Variants in SYNE1 observed in about 807,000 individuals in gnomAD.
The protein encoded by SYNE1 is nesprin-1.
A neutral mutation model predicts 1,111.0 loss-of-function variants in SYNE1; 616 were observed. The ratio of observed to expected loss-of-function variants is 0.55; its 90% CI spans 0.52 to 0.59. The LOEUF is 0.59. SYNE1 is among the 20% of genes least tolerant of loss of function. The pLI is 0.00. For synonymous variants in SYNE1, 3,855 were observed against 3,825.8 expected, an observed-to-expected ratio of 1.01 and a Z score of -0.28; for missense variants, 10,006 against 10,417.0, an observed-to-expected ratio of 0.96 and a Z score of 1.72.
At chr6:152,392,129 G>C (rs2097652422) in intron 51 of SYNE1, among the ~76,000 whole-genome samples, 1 of 152,066 alleles carries the variant, frequency 6.6e-6, no homozygotes, top group Non-Finnish European at 1.5e-5. Flanking sequence ...TGTGCCCTCT[G>C]CTCCTTGTCT....
At chr6:152,503,456 C>T (rs994130977) in intron 9 of SYNE1, among the ~76,000 whole-genome samples, 2 of 152,140 alleles carry the variant, frequency 1.3e-5, no homozygotes, top group African/African-American at 4.8e-5. Flanking sequence ...CAAATAAATT[C>T]ATACAGATTT....
chr6:152,565,177 C>T (rs1383927978), intron 3 of SYNE1, among the ~76,000 whole-genome samples: 1 of 152,046 alleles, frequency 6.6e-6, no homozygotes, highest in African/African-American at 2.4e-5. Context: ...TTATGTGGTT[C>T]CTTTTGCCTC....
intron 45 of SYNE1, among the ~76,000 whole-genome samples, chr6:152,405,416 G>A (rs2154160000): frequency 6.6e-6 from 1 of 152,284 alleles, no homozygotes; most frequent in South Asian, 2.1e-4. Flanking sequence ...TGGAGTTGAA[G>A]ACATACACAG....
At chr6:152,347,681 T>C (rs1313228410) in intron 72 of SYNE1, among the ~76,000 whole-genome samples, 1 of 113,452 alleles carries the variant, frequency 8.8e-6, no homozygotes, top group Non-Finnish European at 1.9e-5. Flanking sequence ...TTTTTGTCAT[T>C]CTTTTTTTTT....
intron 37 of SYNE1, 129 bp downstream of exon 37, chr6:152,428,076 G>A: frequency 7.6e-7 from 1 of 1,320,444 alleles, no homozygotes; most frequent in Non-Finnish European, 1.1e-6. Flanking sequence ...AAGATCAAGA[G>A]TTTCCTACAG....
chr6:152,141,745 AC>A (rs988785067), intron 138 of SYNE1, among the ~76,000 whole-genome samples: 7 of 151,658 alleles, frequency 4.6e-5, no homozygotes, highest in African/African-American at 1.7e-4. Context: ...ACAGAGTGAG[AC>A]CCAGTCTCAA....
At chr6:152,157,718 T>C (rs2061646780) in intron 131 of SYNE1, among the ~76,000 whole-genome samples, 1 of 152,088 alleles carries the variant, frequency 6.6e-6, no homozygotes, top group Non-Finnish European at 1.5e-5. Context: ...ACCTAGGTTC[T>C]ATATCATGCA....
At chr6:152,547,526 T>G (rs2099320020) in intron 3 of SYNE1, among the ~76,000 whole-genome samples, 1 of 152,176 alleles carries the variant, frequency 6.6e-6, no homozygotes, top group African/African-American at 2.4e-5. Flanking sequence ...CATTATAAGG[T>G]GCTGGAAGAG....
At chr6:152,538,962 C>T (rs1430178414) in intron 4 of SYNE1, among the ~76,000 whole-genome samples, 1 of 152,100 alleles carries the variant, frequency 6.6e-6, no homozygotes, top group Non-Finnish European at 1.5e-5. Context: ...CTAGCGCAGA[C>T]ACAAAGTAAG....
intron 131 of SYNE1, among the ~76,000 whole-genome samples, chr6:152,159,542 G>T (rs2062022343): frequency 6.6e-6 from 1 of 152,156 alleles, no homozygotes; most frequent in Non-Finnish European, 1.5e-5. Flanking sequence ...TTCCACCCCG[G>T]AGTTCACCTG....
chr6:152,277,787 G>A, intron 98 of SYNE1: 1 of 458,498 alleles, frequency 2.2e-6, no homozygotes, highest in East Asian at 4.6e-5. Flanking sequence ...CACTCCTGGA[G>A]TAGCCTTTAC....
rs979664709 is a variant in SYNE1, at chr6:152,189,329, T to C, written c.23224A>G (p.Ile7742Val). Residue 7742 changes from isoleucine (I) to valine (V), a missense_variant, in exon 128 of 146, where the codon ATC becomes GTC. By Grantham distance (29) the Ile-to-Val change is conservative. Around this residue, in one of 7 missense-constraint regions of SYNE1, gnomAD observed 2,182 missense variants for 2,287.8 expected, o/e 0.95. Coordinates refer to ENST00000367255, the MANE Select transcript of SYNE1 (RefSeq NM_182961.4). Reference protein sequence around the residue: ...SLLKDTLSAYISADDISILNE... With the variant: ...SLLKDTLSAYVSADDISILNE... ...AGAATGGAGATATCATCAGCACTGA[T>C]ATAGGCAGAGAGGGTGTCCTTCAGC... The C allele has an allele frequency of 1.9e-6, 3 of 1,614,148 alleles. No individual in the cohort carries two copies. The highest frequency in any genetic ancestry group is 1.7e-5 in the Admixed American group (1 of 60,018).
intron 21 of SYNE1, among the ~76,000 whole-genome samples, chr6:152,460,345 T>C (rs949443522): frequency 6.6e-6 from 1 of 152,218 alleles, no homozygotes; most frequent in African/African-American, 2.4e-5. Flanking sequence ...TAAAATGAAC[T>C]GAACATAAAC....
intron 100 of SYNE1, among the ~76,000 whole-genome samples, chr6:152,266,141 A>G (rs1194054567): frequency 3.9e-5 from 6 of 152,184 alleles, no homozygotes; most frequent in African/African-American, 1.4e-4. Flanking sequence ...AGTGGATCTT[A>G]TATAGAAAGC....
chr6:152,433,099 A>G (rs2098443184), intron 34 of SYNE1, among the ~76,000 whole-genome samples: 1 of 152,160 alleles, frequency 6.6e-6, no homozygotes, highest in Non-Finnish European at 1.5e-5. Context: ...CAAAAAAAAA[A>G]AAAGCTGAGG....
intron 4 of SYNE1, among the ~76,000 whole-genome samples, chr6:152,530,723 G>A (rs1239715277): frequency 1.3e-5 from 2 of 151,252 alleles, no homozygotes; most frequent in East Asian, 3.9e-4. Flanking sequence ...CCGGGTTCAT[G>A]CCATTGTCCT....
At chr6:152,305,368 C>T (rs564960782) in intron 91 of SYNE1, among the ~76,000 whole-genome samples, 20 of 152,192 alleles carry the variant, frequency 1.3e-4, no homozygotes, top group African/African-American at 4.6e-4. Context: ...CAGGTTCAAG[C>T]GATTCTCCTG....
At chr6:152,233,617 G>A (rs969951236) in intron 112 of SYNE1, among the ~76,000 whole-genome samples, 164 bp downstream of exon 112, 7 of 152,122 alleles carry the variant, frequency 4.6e-5, no homozygotes, top group Admixed American at 6.6e-5. Flanking sequence ...GAGCCACCGC[G>A]CCCGGCCAGA....
chr6:152,214,935 C>T lies in SYNE1; in HGVS notation c.22317G>A (p.Leu7439=). Residue 7439 remains leucine, a synonymous_variant, in exon 122 of 146, where the codon CTG becomes CTA. Coordinates refer to ENST00000367255, the MANE Select transcript of SYNE1 (RefSeq NM_182961.4). The part of the protein sequence containing the change: ...RMQNLNRHWS[L]ISSQTTERFS... Reference sequence around the variant, plus strand: ...ATCTTTCTGTAGTCTGAGAGGAGATCAGAGACCAATGGCGGTTCAGATTCT... The same window carrying T: ...ATCTTTCTGTAGTCTGAGAGGAGATTAGAGACCAATGGCGGTTCAGATTCT... 6.2e-7 allele frequency: 1 copy of T among 1,614,134 alleles called. No individual in the cohort carries two copies. Among genetic ancestry groups the T allele is most frequent in the Non-Finnish European group, 8.5e-7 (1 of 1,179,992 alleles).
Sources: allele counts gnomAD v4.1 joint callset (sites outside exome capture counted in the v4.1 genomes callset), GRCh38; gene constraint gnomAD v4.1.1; regional missense constraint gnomAD v4.1.1; transcripts MANE v1.5; gene names NCBI Gene and HGNC (gene_info 2026-07-23, HGNC 2026-07-21).